The following KIAA1549L variants were observed in gnomAD, a reference collection of about 807,000 sequenced individuals.
The protein encoded by KIAA1549L is KIAA1549 like.
In KIAA1549L, 88 loss-of-function variants were observed where a neutral mutation model predicts 160.7. The ratio of observed to expected loss-of-function variants is 0.55; its 90% CI spans 0.46 to 0.65. The LOEUF (loss-of-function observed/expected upper bound fraction) is 0.65. Among genes scored for constraint, KIAA1549L ranks in the 30% least tolerant of loss-of-function variants. The pLI, the probability that KIAA1549L is intolerant of heterozygous loss-of-function variation, is 0.00. For synonymous variants in KIAA1549L, 950 were observed against 976.7 expected (o/e 0.97, Z 0.51); for missense variants, 2,258 against 2,437.5 (o/e 0.93, Z 1.55).
chr11:33,627,371 T>G (rs1851146186), intron 16 of KIAA1549L, among the ~76,000 whole-genome samples: 2 of 151,088 alleles, frequency 1.3e-5, no homozygotes, highest in South Asian at 4.2e-4. Context: ...AATTCGGCTG[T>G]GAATCCATCT....
chr11:33,604,099 T>G (rs1172184799), intron 13 of KIAA1549L, among the ~76,000 whole-genome samples: 1 of 152,228 alleles, frequency 6.6e-6, no homozygotes, highest in African/African-American at 2.4e-5. Context: ...TTAGAAGGTC[T>G]GTAAGTTATC....
chr11:33,554,648 C>T (rs575669357), intron 6 of KIAA1549L, among the ~76,000 whole-genome samples: 1 of 152,274 alleles, frequency 6.6e-6, no homozygotes, highest in East Asian at 1.9e-4. Context: ...CAGTAAAATG[C>T]CTGGGATTAG....
At chr11:33,450,588 C>CAAAA (rs67651212) in intron 1 of KIAA1549L, 22,446 of 149,410 alleles carry the variant, frequency 0.15, 1,868 homozygotes, top group East Asian at 0.3. Flanking sequence ...ACAACAACAA[C>CAAAA]AAAAAAGAAA....
intron 16 of KIAA1549L, among the ~76,000 whole-genome samples, chr11:33,634,802 C>T (rs1377510019): frequency 6.6e-6 from 1 of 152,136 alleles, no homozygotes; most frequent in Non-Finnish European, 1.5e-5. Flanking sequence ...CCTTAGAAGT[C>T]TATGAGAGAC....
chr11:33,516,587 GATGGAT>G (rs1853348398), intron 1 of KIAA1549L, among the ~76,000 whole-genome samples: 1 of 152,202 alleles, frequency 6.6e-6, no homozygotes, highest in South Asian at 2.1e-4. Flanking sequence ...TCCTTACAGG[GATGGAT>G]ATGTGAAGCC....
At chr11:33,506,999 G>T (rs894132776) in intron 1 of KIAA1549L, among the ~76,000 whole-genome samples, 9 of 152,132 alleles carry the variant, frequency 5.9e-5, no homozygotes, top group African/African-American at 2.2e-4. Context: ...ATGGGGATCA[G>T]CCCTGTTCAG....
At chr11:33,557,196 C>T (rs955057146) in intron 6 of KIAA1549L, among the ~76,000 whole-genome samples, 1 of 152,058 alleles carries the variant, frequency 6.6e-6, no homozygotes, top group Admixed American at 6.6e-5. Context: ...GCCATGTTGC[C>T]CAGGCTGGCC....
intron 1 of KIAA1549L, among the ~76,000 whole-genome samples, chr11:33,510,927 C>G (rs560672386): frequency 6.6e-6 from 1 of 152,230 alleles, no homozygotes; most frequent in African/African-American, 2.4e-5. Flanking sequence ...GCAGAAAGGG[C>G]ACAGGCCCAG....
In KIAA1549L at chr11:33,583,652, G is replaced by A. The variant is rs371566767; in HGVS notation, c.4566+151G>A. Among the ~76,000 whole-genome samples the A allele has an allele frequency of 5.8e-4, 89 of 152,280 alleles. 1 individual carries two copies. The South Asian group carries it at 0.018, about 31-fold the overall frequency. ...AAGGAGATCCTTCCTTTTAGTCTCA[G>A]GACCTGATGGTTTGTGGTTATCTGA... is the stretch of plus-strand genomic sequence containing the variant. On this transcript the variant is annotated intron_variant, in intron 11 of 20. Transcript: ENST00000658780.
chr11:33,444,446 A>C (rs1017513179), intron 1 of KIAA1549L, among the ~76,000 whole-genome samples: 18 of 152,280 alleles, frequency 1.2e-4, no homozygotes, highest in African/African-American at 3.8e-4. Context: ...GTCCATTCAT[A>C]AAGCATGTGA....
intron 13 of KIAA1549L, among the ~76,000 whole-genome samples, chr11:33,601,677 G>T (rs576715306): frequency 1.3e-5 from 2 of 152,260 alleles, no homozygotes; most frequent in Non-Finnish European, 2.9e-5. Flanking sequence ...AGTTACTAAG[G>T]TTAATAAATG....
At chr11:33,508,285 C>T (rs1853140650) in intron 1 of KIAA1549L, among the ~76,000 whole-genome samples, 1 of 152,200 alleles carries the variant, frequency 6.6e-6, no homozygotes, top group Admixed American at 6.5e-5. Flanking sequence ...CATTATCCAC[C>T]ATAGCTGCTA....
chr11:33,603,741 G>A (rs1298525099), intron 13 of KIAA1549L, among the ~76,000 whole-genome samples: 1 of 151,856 alleles, frequency 6.6e-6, no homozygotes, highest in Non-Finnish European at 1.5e-5. Context: ...AGGAGGCGGA[G>A]GTTGCAGTGA....
chr11:33,656,862 G>T (rs1192567070), intron 18 of KIAA1549L, among the ~76,000 whole-genome samples: 1 of 152,150 alleles, frequency 6.6e-6, no homozygotes, highest in Non-Finnish European at 1.5e-5. Context: ...ATGCGGAGGG[G>T]CGTAGACGTC....
At chr11:33,610,469 T>A (rs970172182) in intron 15 of KIAA1549L, among the ~76,000 whole-genome samples, 6 of 152,238 alleles carry the variant, frequency 3.9e-5, no homozygotes, top group African/African-American at 1.2e-4. Context: ...TGTCACCTGC[T>A]ATGTATTAGG....
intron 3 of KIAA1549L, among the ~76,000 whole-genome samples, chr11:33,546,126 A>G (rs1177810539): frequency 6.6e-6 from 1 of 152,234 alleles, no homozygotes; most frequent in Non-Finnish European, 1.5e-5. Context: ...TTTGCTATAA[A>G]AAAAATTAGA....
At chr11:33,428,569 C>T (rs747918908) in intron 1 of KIAA1549L, among the ~76,000 whole-genome samples, 6 of 151,972 alleles carry the variant, frequency 3.9e-5, no homozygotes, top group Non-Finnish European at 8.8e-5. Flanking sequence ...TCTGTCCTTG[C>T]GATAGTTTGC....
At chr11:33,394,402 T>C in intron 1 of KIAA1549L, among the ~76,000 whole-genome samples, 1 of 92,764 alleles carries the variant, frequency 1.1e-5, no homozygotes, top group South Asian at 3.2e-4. Context: ...AATAAATAAA[T>C]AAATAAATAA....
chr11:33,404,901 G>C (rs1850613215), intron 1 of KIAA1549L, among the ~76,000 whole-genome samples: 1 of 151,328 alleles, frequency 6.6e-6, no homozygotes. Context: ...CCAGCTACTC[G>C]GGAGGCTGAG....
Sources: allele counts gnomAD v4.1 joint callset (sites outside exome capture counted in the v4.1 genomes callset), GRCh38; gene constraint gnomAD v4.1.1; transcripts MANE v1.5; gene names NCBI Gene and HGNC (gene_info 2026-07-23, HGNC 2026-07-21).